CLNK: variants seen among roughly 807,000 people sequenced by gnomAD.
The protein encoded by CLNK is cytokine dependent hematopoietic cell linker, also known as cytokine-dependent hematopoietic cell linker.
In CLNK, 74 loss-of-function variants were observed where a neutral mutation model predicts 68.6. The ratio of observed to expected loss-of-function variants is 1.08; its 90% CI spans 0.89 to 1.31. The LOEUF is 1.31. Among genes scored for constraint, CLNK ranks in the 50% most tolerant of loss-of-function variants. The probability of loss-of-function intolerance (pLI) is 0.00; values close to 1 mark genes in which losing one functional copy is unlikely to be tolerated. For missense variants in CLNK, 553 were observed against 515.3 expected, an observed-to-expected ratio of 1.07 and a Z score of -0.71; for synonymous variants, 198 against 172.2, an observed-to-expected ratio of 1.15 and a Z score of -1.17.
At chr4:10,590,386 G>A (rs576612126) in intron 3 of CLNK, among the ~76,000 whole-genome samples, 5 of 152,280 alleles carry the variant, frequency 3.3e-5, no homozygotes, top group African/African-American at 1.2e-4. Context: ...AGTTTGGATG[G>A]TGTGTTATTC....
intron 15 of CLNK, among the ~76,000 whole-genome samples, chr4:10,517,069 T>G (rs1717868613): frequency 6.6e-6 from 1 of 152,216 alleles, no homozygotes; most frequent in Admixed American, 6.5e-5. Context: ...AGTTTAACTT[T>G]CAAACACAAT....
chr4:10,506,901 G>A (rs1237660613), intron 17 of CLNK, among the ~76,000 whole-genome samples: 5 of 151,838 alleles, frequency 3.3e-5, no homozygotes, highest in Non-Finnish European at 5.9e-5. Context: ...CCGGGTTCAC[G>A]CCATTCTCCT....
chr4:10,656,601 G>A (rs995411617), intron 2 of CLNK: 3 of 152,108 alleles, frequency 2.0e-5, no homozygotes, highest in Non-Finnish European at 4.4e-5. Context: ...GCACACTTGT[G>A]GGTAGAAAGC....
intron 2 of CLNK, among the ~76,000 whole-genome samples, chr4:10,601,736 G>T (rs6448124): frequency 0.19 from 29,301 of 152,102 alleles, 2,989 homozygotes; most frequent in Middle Eastern, 0.26. Flanking sequence ...ATTTTACAAG[G>T]CCTCAAACAT....
intron 5 of CLNK, among the ~76,000 whole-genome samples, chr4:10,568,485 A>T (rs1720211990): frequency 6.6e-6 from 1 of 152,246 alleles, no homozygotes; most frequent in African/African-American, 2.4e-5. Flanking sequence ...TGTACTCATA[A>T]AATGCGTAAA....
chr4:10,539,223 G>T (rs571109588), intron 11 of CLNK, among the ~76,000 whole-genome samples: 1 of 152,212 alleles, frequency 6.6e-6, no homozygotes. Flanking sequence ...CAGAAAAGGA[G>T]GGCATTCCAT....
chr4:10,669,152 C>T (rs1724527238), intron 1 of CLNK, among the ~76,000 whole-genome samples: 1 of 152,156 alleles, frequency 6.6e-6, no homozygotes, highest in South Asian at 2.1e-4. Flanking sequence ...TTCACTCATC[C>T]ATCTGGGAAA....
At chr4:10,584,279 C>T (rs1720893682) in intron 4 of CLNK, among the ~76,000 whole-genome samples, 1 of 152,196 alleles carries the variant, frequency 6.6e-6, no homozygotes, top group African/African-American at 2.4e-5. Flanking sequence ...GATTACATAA[C>T]TCCTTATGAC....
intron 1 of CLNK, among the ~76,000 whole-genome samples, chr4:10,681,160 A>G (rs759891499): frequency 4.3e-4 from 65 of 152,164 alleles, no homozygotes; most frequent in East Asian, 3.8e-4. Flanking sequence ...TCCTGTGTAC[A>G]TTTGTCTCCT....
intron 2 of CLNK, among the ~76,000 whole-genome samples, chr4:10,633,072 G>A (rs568900702): frequency 6.6e-6 from 1 of 152,082 alleles, no homozygotes; most frequent in Non-Finnish European, 1.5e-5. Context: ...TGAGTATCTG[G>A]GATTACAGGC....
upstream of CLNK, among the ~76,000 whole-genome samples, chr4:10,687,714 G>A (rs1725317315): frequency 6.6e-6 from 1 of 152,078 alleles, no homozygotes; most frequent in South Asian, 2.1e-4. Flanking sequence ...CAACAAAAGA[G>A]GCTCAATCTC....
chr4:10,642,378 G>A (rs1723340417), intron 2 of CLNK, among the ~76,000 whole-genome samples: 1 of 152,162 alleles, frequency 6.6e-6, no homozygotes, highest in Non-Finnish European at 1.5e-5. Context: ...GAGAAAACAG[G>A]CACAGAGAGG....
At chr4:10,644,574 C>A (rs1279076117) in intron 2 of CLNK, among the ~76,000 whole-genome samples, 1 of 152,098 alleles carries the variant, frequency 6.6e-6, no homozygotes, top group African/African-American at 2.4e-5. Context: ...AGTAGAGGCT[C>A]AGGCAGAAGA....
At position 10,540,557 on chromosome 4, in the gene CLNK, G is replaced by A. The variant is rs1488990836; in HGVS notation, c.539C>T (p.Pro180Leu). ...PKKYQPLPPE[P>L]ESSRPPLSQR... is the part of the protein sequence containing the mutation. ...AGATAAAGGTGGCCTGCTGCTCTCC[G>A]GCTCAGGGGGCAAGGGTTGGTACTT... The change falls in exon 11 of 19, where the codon CCG becomes CTG. Residue 180 changes from proline to leucine, a missense_variant. Pro to Leu is a moderately conservative substitution (Grantham distance 98). Coordinates refer to ENST00000226951, the MANE Select transcript of CLNK (RefSeq NM_052964.4). 24 of 1,613,770 alleles carry A rather than the reference G, an allele frequency of 1.5e-5. No individual in the cohort carries two copies. Among genetic ancestry groups the A allele is most frequent in the Middle Eastern group, 1.6e-4 (1 of 6,084 alleles).
intron 8 of CLNK, among the ~76,000 whole-genome samples, chr4:10,553,631 T>C (rs186015161): frequency 1.3e-5 from 2 of 152,172 alleles, no homozygotes; most frequent in East Asian, 3.9e-4. Flanking sequence ...TTTTTATATT[T>C]TTAGTAGAGA....
chr4:10,731,531 C>T, the CLNK span, among the ~76,000 whole-genome samples: 3,506 of 152,246 alleles, frequency 0.023, 57 homozygotes, highest in East Asian at 0.063. Context: ...CAGATTCTTC[C>T]TAAGAGGAAC....
intron 7 of CLNK, among the ~76,000 whole-genome samples, chr4:10,563,685 G>A (rs1719985526): frequency 6.6e-6 from 1 of 152,154 alleles, no homozygotes; most frequent in South Asian, 2.1e-4. Context: ...AAGGTGGGTG[G>A]ATCACGAGGT....
chr4:10,532,494 TA>T (rs1283158982), intron 11 of CLNK, among the ~76,000 whole-genome samples: 1 of 152,168 alleles, frequency 6.6e-6, no homozygotes, highest in Non-Finnish European at 1.5e-5. Flanking sequence ...AGAGCCAAAA[TA>T]AAAGGTGGTG....
intron 4 of CLNK, among the ~76,000 whole-genome samples, chr4:10,575,025 G>A (rs1388272079): frequency 2.0e-5 from 3 of 152,138 alleles, no homozygotes; most frequent in South Asian, 2.1e-4. Flanking sequence ...GCAGAATAGA[G>A]CCCTTCCTTC....
Sources: gnomAD v4.1 joint callset for allele counts (sites outside exome capture counted in the v4.1 genomes callset) on GRCh38, gnomAD v4.1.1 for gene constraint, MANE v1.5 for transcripts, NCBI Gene and HGNC (gene_info 2026-07-23, HGNC 2026-07-21) for gene names.